TRAPPC14: variants seen among roughly 807,000 people sequenced by gnomAD.
TRAPPC14 encodes the protein microtubule associated protein 11.
TRAPPC14 carries 24 observed loss-of-function variants against 56.6 expected under a neutral mutation model. The observed-to-expected ratio is 0.42, with a 90% CI of 0.31 to 0.60. The LOEUF (loss-of-function observed/expected upper bound fraction) is 0.60. TRAPPC14 is among the 20% of genes least tolerant of loss of function. The probability of loss-of-function intolerance (pLI) is 0.14; values close to 1 mark genes in which losing one functional copy is unlikely to be tolerated. For synonymous variants in TRAPPC14, 377 were observed against 347.0 expected (o/e 1.09, Z -0.96); for missense variants, 615 against 790.3 (o/e 0.78, Z 2.66).
At position 100,158,225 on chromosome 7, in the gene TRAPPC14, G is replaced by A; in HGVS notation, c.275C>T (p.Pro92Leu). The A allele has an allele frequency of 1.4e-6, 2 of 1,472,340 alleles. No homozygotes were observed. The highest frequency in any genetic ancestry group is 1.8e-6 in the Non-Finnish European group (2 of 1,119,120). The allele number at this position is 1,472,340 out of a possible 1,614,324, so 91.2% of individuals were successfully genotyped here. ...LASVSAGGGM[P>L]GGGGAGDQDS... is the part of the protein sequence containing the mutation. The stretch of plus-strand genomic sequence containing the variant: ...CTGGTCGCCGGCGCCGCCGCCCCCC[G>A]GCATCCCGCCTCCGGCGCTGACCGA... Residue 92 changes from proline (P) to leucine (L), a missense_variant, in exon 1 of 11, where the codon CCG becomes CTG. Coordinates refer to ENST00000316937, the MANE Select transcript of TRAPPC14 (RefSeq NM_018275.5).
At position 100,155,090 on chromosome 7, in the gene TRAPPC14, G is replaced by A; in HGVS notation, c.1664C>T (p.Pro555Leu). Residue 555 changes from proline to leucine, a missense_variant, in exon 11 of 11, where the codon CCC becomes CTC. By Grantham distance (98) the Pro-to-Leu change is moderately conservative. Coordinates refer to ENST00000316937, the MANE Select transcript of TRAPPC14 (RefSeq NM_018275.5). ...ASPVGRPLYL[P>L]PDKAVLSLDK... is the part of the protein sequence containing the mutation. ...CAGAGACAACACAGCCTTGTCCGGG[G>A]GCAGGTAGAGGGGGCGGCCAACAGG... is the stretch of plus-strand genomic sequence containing the variant. 1.2e-6 allele frequency: 2 copies of A among 1,613,794 alleles called. No homozygotes were observed. The highest frequency in any genetic ancestry group is 1.7e-6 in the Non-Finnish European group (2 of 1,179,700).
At chr7:100,156,191 C>T (rs1405322197) in intron 8 of TRAPPC14, 195 bp downstream of exon 8, 6 of 619,450 alleles carry the variant, frequency 9.7e-6, no homozygotes, top group Non-Finnish European at 1.7e-5. Context: ...TCACTCTGCC[C>T]CACTGCCTCT....
chr7:100,156,775 T>C, intron 6 of TRAPPC14, 59 bp from the exon 7 acceptor site: 1 of 1,601,138 alleles, frequency 6.2e-7, no homozygotes, highest in Non-Finnish European at 8.5e-7. Context: ...CCATCTTGAG[T>C]CAGCTGCCTG....
At position 100,156,954 on chromosome 7, in the gene TRAPPC14, C is replaced by T. The variant is rs2293477; in HGVS notation, c.884G>A (p.Arg295His). 145 of 1,613,892 alleles carry T rather than the reference C, an allele frequency of 9.0e-5. No homozygotes were observed. The highest frequency in any genetic ancestry group is 3.8e-4 in the East Asian group (17 of 44,900). Residue 295 changes from arginine to histidine, a missense_variant, in exon 6 of 11, where the codon CGC becomes CAC. By Grantham distance (29) the Arg-to-His change is conservative. Transcript: ENST00000316937. ...GAAGCAGCCAGAGGTCCCGGGTAGG[C>T]GGCAGAAGGAGCCCATGGAGACTTC... is the stretch of plus-strand genomic sequence containing the variant. ...SGEVSMGSFC[R>H]LPGTSGCFPC...
At chr7:100,155,566 C>G in intron 9 of TRAPPC14, 105 bp downstream of exon 9, 3 of 1,508,242 alleles carry the variant, frequency 2.0e-6, no homozygotes, top group Non-Finnish European at 2.7e-6. Context: ...CCCACCTTCC[C>G]TCTGCCCAGC....
At position 100,157,186 on chromosome 7, in the gene TRAPPC14, G is replaced by A. The variant is rs188927711; in HGVS notation, c.753C>T (p.Ile251=). The change falls in exon 5 of 11, where the codon ATC becomes ATT. Residue 251 remains isoleucine, a synonymous_variant. Transcript: ENST00000316937. The stretch of plus-strand genomic sequence containing the variant: ...GGAGGATTCGGATATCCCAGATGGA[G>A]ATTTCCTCCTGAGAGGAGCTGTTCA... ...KVLNSSSQEE[I]SIWDIRILPN... is the part of the protein sequence containing the mutation. 1.9e-6 allele frequency: 3 copies of A among 1,614,206 alleles called. No homozygotes were observed. Among genetic ancestry groups the A allele is most frequent in the Admixed American group, 3.3e-5 (2 of 60,026 alleles).
At position 100,156,946 on chromosome 7, in the gene TRAPPC14, C is replaced by T. The variant is rs943379057; in HGVS notation, c.892G>A (p.Gly298Arg). Residue 298 changes from glycine to arginine, a missense_variant, in exon 6 of 11, where the codon GGG becomes AGG. Coordinates refer to ENST00000316937, the MANE Select transcript of TRAPPC14 (RefSeq NM_018275.5). Reference sequence around the variant, plus strand: ...GGGCAGGGGAAGCAGCCAGAGGTCCCGGGTAGGCGGCAGAAGGAGCCCATG... The same window carrying T: ...GGGCAGGGGAAGCAGCCAGAGGTCCTGGGTAGGCGGCAGAAGGAGCCCATG... Reference protein sequence around the residue: ...VSMGSFCRLPGTSGCFPCPLN... With the variant: ...VSMGSFCRLPRTSGCFPCPLN... 1.1e-5 allele frequency: 17 copies of T among 1,613,906 alleles called. No homozygotes were observed. Among genetic ancestry groups the T allele is most frequent in the Non-Finnish European group, 1.2e-5 (14 of 1,180,030 alleles).
Position 100,155,841 on chromosome 7 carries a change from G to A in TRAPPC14, c.1241-16C>T, listed in dbSNP as rs1221321490. 1 of 1,614,052 alleles carries A rather than the reference G, an allele frequency of 6.2e-7. No individual in the cohort carries two copies. Among genetic ancestry groups the A allele is most frequent in the Non-Finnish European group, 8.5e-7 (1 of 1,180,044 alleles). ...AGCTGCTTTCCTGGGGGCAGAAACA[G>A]GGACCAGCAAACACTACAGCGTTCC... On this transcript the variant is annotated splice_polypyrimidine_tract_variant and intron_variant, in intron 8 of 10. Coordinates refer to ENST00000316937, the MANE Select transcript of TRAPPC14 (RefSeq NM_018275.5).
chr7:100,157,593 C>G (rs775442711), intron 3 of TRAPPC14, 40 bp downstream of exon 3: 1 of 1,611,052 alleles, frequency 6.2e-7, no homozygotes, highest in East Asian at 2.2e-5. Context: ...TCCCCCAATT[C>G]CCAGACTCTA....
rs758558542 is a variant in TRAPPC14, at chr7:100,158,298, A to G, written c.202T>C (p.Ser68Pro). 6.8e-6 allele frequency: 10 copies of G among 1,470,518 alleles called. No individual in the cohort carries two copies. In the East Asian group the frequency reaches 2.6e-4, roughly 38 times the overall value. 91.1% of individuals were successfully genotyped at this position (1,470,518 alleles called of 1,614,324 possible). A position where few individuals can be genotyped will look rare whatever the true frequency, so the allele number is the denominator to read the frequency against. Residue 68 changes from serine (S) to proline (P), a missense_variant, in exon 1 of 11, where the codon TCC becomes CCC. Transcript: ENST00000316937. The stretch of plus-strand genomic sequence containing the variant: ...GCCAGTTCTGCCCAGGCTCCTCTGG[A>G]GCCCAAGCCCGGGCCGCCCCCGGTG... ...SGTGGGPGLG[S>P]RGAWAELATA...
Position 100,158,602 on chromosome 7 carries a change from G to T in TRAPPC14, c.-103C>A, listed in dbSNP as rs1233925070. 8.6e-7 allele frequency: 1 copy of T among 1,164,620 alleles called. No individual in the cohort carries two copies. The highest frequency in any genetic ancestry group is 3.7e-5 in the South Asian group (1 of 27,230). 72.1% of individuals were successfully genotyped at this position (1,164,620 alleles called of 1,614,324 possible). Reference sequence around the variant, plus strand: ...GGGTCCCGACACCTCCGGCTGCTGCGCCCGGCTGGGGCGGCCGGAGAGACC... The same window carrying T: ...GGGTCCCGACACCTCCGGCTGCTGCTCCCGGCTGGGGCGGCCGGAGAGACC... On this transcript the variant is annotated 5_prime_UTR_variant, in exon 1 of 11. Coordinates refer to ENST00000316937, the MANE Select transcript of TRAPPC14 (RefSeq NM_018275.5).
In TRAPPC14 at chr7:100,154,817, T is replaced by G. The variant is rs767755410; in HGVS notation, c.*194A>C. 2 of 617,054 alleles carry G rather than the reference T, an allele frequency of 3.2e-6. No individual in the cohort carries two copies. Among genetic ancestry groups the G allele is most frequent in the African/African-American group, 1.8e-5 (1 of 54,088 alleles). 38.2% of individuals were successfully genotyped at this position (617,054 alleles called of 1,614,324 possible). A position where few individuals can be genotyped will look rare whatever the true frequency, so the allele number is the denominator to read the frequency against. Reference sequence around the variant, plus strand: ...AGGAACTCGGGGAATACTGGTGGCTTAGTCCCAGCCATGCCCGCCCACTTC... The same window carrying G: ...AGGAACTCGGGGAATACTGGTGGCTGAGTCCCAGCCATGCCCGCCCACTTC... On this transcript the variant is annotated 3_prime_UTR_variant, in exon 11 of 11. Transcript: ENST00000316937.
rs745313033 is a variant in TRAPPC14 at position 100,156,568 on chromosome 7, G to A, written c.1077-19C>T. 1 of 1,613,554 alleles carries A rather than the reference G, an allele frequency of 6.2e-7. No individual in the cohort carries two copies. The highest frequency in any genetic ancestry group is 2.2e-5 in the East Asian group (1 of 44,864). Reference sequence around the variant, plus strand: ...GGGCAGGCTAGGAGTGGTGAGAGAGGGATGCTGGCTGTGTGTGTCAGGCCA... The same window carrying A: ...GGGCAGGCTAGGAGTGGTGAGAGAGAGATGCTGGCTGTGTGTGTCAGGCCA... On this transcript the variant is annotated intron_variant, in intron 7 of 10. Coordinates refer to ENST00000316937, the MANE Select transcript of TRAPPC14 (RefSeq NM_018275.5).
chr7:100,154,781 GC>G lies in TRAPPC14; in HGVS notation c.*229del, dbSNP rs1355654101. 9 of 578,402 alleles carry G rather than the reference GC, an allele frequency of 1.6e-5. No individual in the cohort carries two copies. The highest frequency in any genetic ancestry group is 6.1e-5 in the South Asian group (3 of 49,530). The allele number at this position is 578,402 out of a possible 1,614,324, so 35.8% of individuals were successfully genotyped here. A position where few individuals can be genotyped will look rare whatever the true frequency, so the allele number is the denominator to read the frequency against. Reference sequence around the variant, plus strand: ...TTGCCCTGGCCTAGGGGTGGGGCCAGCCCCCCCCACAGGAACTCGGGGAATA... The same window carrying G: ...TTGCCCTGGCCTAGGGGTGGGGCCAGCCCCCCCACAGGAACTCGGGGAATA... On this transcript the variant is annotated 3_prime_UTR_variant, in exon 11 of 11. Coordinates refer to ENST00000316937, the MANE Select transcript of TRAPPC14 (RefSeq NM_018275.5).
In TRAPPC14 at chr7:100,158,161, C is replaced by G. The variant is rs1198589304; in HGVS notation, c.339G>C (p.Gly113=). The change falls in exon 1 of 11, where the codon GGG becomes GGC. Residue 113 remains glycine (G), a synonymous_variant. Coordinates refer to ENST00000316937, the MANE Select transcript of TRAPPC14 (RefSeq NM_018275.5). ...EPPGGGDPGG[G]GLFRGCSPLL... is the part of the protein sequence containing the mutation. ...GGGGGCTGCAGCCTCGGAACAAACC[C>G]CCACCCCCAGGATCCCCTCCCCCTG... The G allele has an allele frequency of 6.8e-7, 1 of 1,460,294 alleles. No homozygotes were observed. Among genetic ancestry groups the G allele is most frequent in the Admixed American group, 2.7e-5 (1 of 36,790 alleles). 90.5% of individuals were successfully genotyped at this position (1,460,294 alleles called of 1,614,324 possible). A position where few individuals can be genotyped will look rare whatever the true frequency, so the allele number is the denominator to read the frequency against.
chr7:100,157,660 C>T lies in TRAPPC14; in HGVS notation c.610G>A (p.Gly204Ser). 6.2e-7 allele frequency: 1 copy of T among 1,614,254 alleles called. No individual in the cohort carries two copies. Among genetic ancestry groups the T allele is most frequent in the Non-Finnish European group, 8.5e-7 (1 of 1,180,040 alleles). Reference sequence around the variant, plus strand: ...TGGGCCTTGAAAGCGCTCTGCTCGCCCCGGAATGTCTCCCCAGGAGATCGG... The same window carrying T: ...TGGGCCTTGAAAGCGCTCTGCTCGCTCCGGAATGTCTCCCCAGGAGATCGG... ...QTRSPGETFR[G>S]EQSAFKAQVS... Residue 204 changes from glycine to serine, a missense_variant, in exon 3 of 11, where the codon GGC becomes AGC. Gly to Ser is a moderately conservative substitution (Grantham distance 56). Transcript: ENST00000316937.
intron 1 of TRAPPC14, 75 bp downstream of exon 1, chr7:100,158,014 G>A: frequency 7.0e-7 from 1 of 1,421,416 alleles, no homozygotes; most frequent in Non-Finnish European, 9.4e-7. Context: ...AAGACCGGCA[G>A]TTCATCTGCC....
At chr7:100,157,819 TA>T in intron 2 of TRAPPC14, 23 bp downstream of exon 2, 3 of 1,613,004 alleles carry the variant, frequency 1.9e-6, no homozygotes, top group Non-Finnish European at 2.5e-6. Context: ...ATTAGGACAA[TA>T]GCTCCACTCT....
In TRAPPC14 at chr7:100,154,980, G is replaced by A; in HGVS notation, c.*31C>T. 1 of 1,612,766 alleles carries A rather than the reference G, an allele frequency of 6.2e-7. No homozygotes were observed. The highest frequency in any genetic ancestry group is 8.5e-7 in the Non-Finnish European group (1 of 1,178,800). On this transcript the variant is annotated 3_prime_UTR_variant, in exon 11 of 11. Transcript: ENST00000316937. ...CCCCTCTGGGGGCGTTGGGTCTCTGGAGTGTAAGAGGGAACAGAGCTGGCA... is the reference window on the plus strand; with the variant it reads ...CCCCTCTGGGGGCGTTGGGTCTCTGAAGTGTAAGAGGGAACAGAGCTGGCA...
Sources: allele counts gnomAD v4.1 joint callset, GRCh38; gene constraint gnomAD v4.1.1; transcripts MANE v1.5; gene names NCBI Gene and HGNC (gene_info 2026-07-23, HGNC 2026-07-21).